Variants in ISM2 observed in about 807,000 individuals in gnomAD.
The protein encoded by ISM2 is isthmin 2.
In ISM2, 50 loss-of-function variants were observed where a neutral mutation model predicts 58.0. That is an observed-to-expected ratio of 0.86 (90% CI 0.69 to 1.09). The LOEUF is 1.09. Ranked by LOEUF, ISM2 falls within the 50% of genes least tolerant of loss-of-function variation. The pLI is 0.00. For synonymous variants in ISM2, 303 were observed against 312.4 expected, an observed-to-expected ratio of 0.97 and a Z score of 0.32; for missense variants, 723 against 745.0, an observed-to-expected ratio of 0.97 and a Z score of 0.34.
At chr14:77,497,811 G>T (rs1045488716) in intron 1 of ISM2, among the ~76,000 whole-genome samples, 1 of 148,692 alleles carries the variant, frequency 6.7e-6, no homozygotes, top group Admixed American at 6.7e-5. Context: ...AGGAAGGAAG[G>T]AAGGAAGGAA....
chr14:77,498,473 G>A (rs2139978603), intron 1 of ISM2, 180 bp downstream of exon 1: 1 of 1,186,854 alleles, frequency 8.4e-7, no homozygotes, highest in Admixed American at 2.2e-5. Context: ...AAGCCCCGAA[G>A]TCCGGCGCAC....
Position 77,475,587 on chromosome 14 carries a change from C to A in ISM2, c.*8G>T, listed in dbSNP as rs750758027. 2.1e-5 allele frequency: 33 copies of A among 1,545,206 alleles called. No homozygotes were observed. The Admixed American group carries it at 6.1e-4, about 28-fold the overall frequency. On this transcript the variant is annotated 3_prime_UTR_variant, in exon 7 of 7. Transcript: ENST00000342219. The surrounding 1 kb of genome is among the most constrained non-coding windows in gnomAD (Gnocchi z 4.1). The stretch of plus-strand genomic sequence containing the variant: ...TCTCCCTGCAGTGTCTGTTCAGCAA[C>A]CCCGTCACTAGTACTCCTTGGCCTC...
At chr14:77,490,161 C>T (rs1055052363) in intron 1 of ISM2, among the ~76,000 whole-genome samples, 2 of 152,132 alleles carry the variant, frequency 1.3e-5, no homozygotes, top group African/African-American at 2.4e-5. Flanking sequence ...CCACGCCCGG[C>T]TAATTTTTTG....
intron 4 of ISM2, among the ~76,000 whole-genome samples, chr14:77,482,100 G>A (rs536396646): frequency 1.3e-5 from 2 of 150,514 alleles, no homozygotes; most frequent in South Asian, 2.1e-4. Flanking sequence ...GTAACAGAGC[G>A]AGACCCAATC....
Position 77,482,682 on chromosome 14 carries a change from C to A in ISM2, c.628-15G>T, listed in dbSNP as rs560839117. On this transcript the variant is annotated splice_polypyrimidine_tract_variant and intron_variant, in intron 3 of 6. Transcript: ENST00000342219. ...TTGATGGTCACCTGCAGGAGACAGG[C>A]CAGGCCGGCCAGTGAAGGAGGTCTT... The A allele has an allele frequency of 1.4e-6, 2 of 1,478,216 alleles. No individual in the cohort carries two copies. Among genetic ancestry groups the A allele is most frequent in the Admixed American group, 2.2e-5 (1 of 46,206 alleles). The allele number at this position is 1,478,216 out of a possible 1,614,324, so 91.6% of individuals were successfully genotyped here. A position where few individuals can be genotyped will look rare whatever the true frequency, so the allele number is the denominator to read the frequency against.
At chr14:77,485,355 G>A (rs1264449790) in intron 1 of ISM2, among the ~76,000 whole-genome samples, 1 of 152,236 alleles carries the variant, frequency 6.6e-6, no homozygotes, top group Non-Finnish European at 1.5e-5. Flanking sequence ...ATCAGGGAGT[G>A]GGCAGCAGGC....
chr14:77,489,376 C>T (rs2079187183), intron 1 of ISM2, among the ~76,000 whole-genome samples: 1 of 152,182 alleles, frequency 6.6e-6, no homozygotes, highest in Non-Finnish European at 1.5e-5. Context: ...CAGCAATTGC[C>T]TCTTTAGCCA....
rs76233487 is a variant in ISM2 at position 77,494,124 on chromosome 14, G to C, written c.141+4529C>G. ...AGATGAGCAGACTAGAACATGACAT[G>C]CAAAGATGTACCATAAGGTCCCAGA... On this transcript the variant is annotated intron_variant, in intron 1 of 6. Transcript: ENST00000342219. Among the ~76,000 whole-genome samples the C allele has an allele frequency of 1.1e-4, 17 of 152,232 alleles. No homozygotes were observed. The East Asian group carries it at 3.3e-3, about 29-fold the overall frequency.
chr14:77,496,041 C>T (rs1468096641), intron 1 of ISM2, among the ~76,000 whole-genome samples: 1 of 151,898 alleles, frequency 6.6e-6, no homozygotes, highest in Admixed American at 6.6e-5. Context: ...GACGAAACCC[C>T]ATCTCTACTA....
At chr14:77,486,693 G>A (rs1419156967) in intron 1 of ISM2, among the ~76,000 whole-genome samples, 1 of 152,206 alleles carries the variant, frequency 6.6e-6, no homozygotes, top group Non-Finnish European at 1.5e-5. Context: ...GGGCTGTGCA[G>A]CCTTTTGGCT....
At chr14:77,498,136 G>T in intron 1 of ISM2, 1 of 613,316 alleles carries the variant, frequency 1.6e-6, no homozygotes, top group Non-Finnish European at 2.4e-6. Context: ...CACAGGCCAC[G>T]AGGACAGAGC....
intron 1 of ISM2, among the ~76,000 whole-genome samples, chr14:77,491,152 G>A (rs755269949): frequency 2.6e-5 from 4 of 152,222 alleles, no homozygotes; most frequent in East Asian, 1.9e-4. Flanking sequence ...ACAATGGACC[G>A]GGACTGAAGT....
rs2079110207 is a variant in ISM2, at chr14:77,478,284, A to G, written c.1156T>C (p.Trp386Arg). The change falls in exon 6 of 7, where the codon TGG becomes CGG. Residue 386 changes from tryptophan to arginine, a missense_variant. Trp to Arg is a moderately radical substitution (Grantham distance 101). Transcript: ENST00000342219. ...KDTLGLPSEEWKLLARNATDM... is the reference protein window; with the variant it reads ...KDTLGLPSEERKLLARNATDM... The stretch of plus-strand genomic sequence containing the variant: ...GTAGCATTGCGGGCCAGGAGCTTCC[A>G]CTCCTCACTGGGGAGGCCCAAGGTG... 1.9e-6 allele frequency: 3 copies of G among 1,613,578 alleles called. No homozygotes were observed. In the African/African-American group the frequency reaches 4.0e-5, roughly 22 times the overall value.
At chr14:77,483,284 G>C (rs975092436) in intron 3 of ISM2, among the ~76,000 whole-genome samples, 3 of 152,204 alleles carry the variant, frequency 2.0e-5, no homozygotes, top group Non-Finnish European at 4.4e-5. Flanking sequence ...TTCTGGCTGG[G>C]CTCAGTGGCT....
intron 1 of ISM2, among the ~76,000 whole-genome samples, chr14:77,497,404 G>A (rs908067559): frequency 6.7e-6 from 1 of 149,840 alleles, no homozygotes; most frequent in Non-Finnish European, 1.5e-5. Context: ...AAGAAGAATG[G>A]CTGGGCACCA....
rs745893541 is a variant in ISM2 at position 77,475,999 on chromosome 14, T to A, written c.1312A>T (p.Met438Leu). Residue 438 changes from methionine to leucine, a missense_variant, in exon 7 of 7, where the codon ATG becomes TTG. Transcript: ENST00000342219. The surrounding 1 kb of genome is among the most constrained non-coding windows in gnomAD (Gnocchi z 4.1). The stretch of plus-strand genomic sequence containing the variant: ...TCCTGTAGGCTCACAGGGCTGTCCA[T>A]GGCCTCCAGTGGGTAGGCACACGGG... ...SCPCAYPLEA[M>L]DSPVSLQDEH... The A allele has an allele frequency of 1.9e-6, 3 of 1,587,718 alleles. No individual in the cohort carries two copies. Among genetic ancestry groups the A allele is most frequent in the Non-Finnish European group, 2.6e-6 (3 of 1,171,212 alleles).
Position 77,476,107 on chromosome 14 carries a change from C to T in ISM2, c.1204G>A (p.Asp402Asn), listed in dbSNP as rs1223454911. ...NATDMHDQDV[D>N]SCEKWLNCKS... is the part of the protein sequence containing the mutation. ...CAGTTCAGCCACTTCTCACAGCTGT[C>T]CACATCTGCAAAGGGCCACAAAGTG... is the stretch of plus-strand genomic sequence containing the variant. Residue 402 changes from aspartate (D) to asparagine (N), a missense_variant, in exon 7 of 7, where the codon GAC becomes AAC. By Grantham distance (23) the Asp-to-Asn change is conservative. Transcript: ENST00000342219. 1.3e-6 allele frequency: 2 copies of T among 1,517,080 alleles called. No individual in the cohort carries two copies. The highest frequency in any genetic ancestry group is 1.8e-6 in the Non-Finnish European group (2 of 1,137,038). 94.0% of individuals were successfully genotyped at this position (1,517,080 alleles called of 1,614,324 possible). A position where few individuals can be genotyped will look rare whatever the true frequency, so the allele number is the denominator to read the frequency against.
At chr14:77,486,668 A>G (rs944255278) in intron 1 of ISM2, among the ~76,000 whole-genome samples, 9 of 152,122 alleles carry the variant, frequency 5.9e-5, no homozygotes, top group Non-Finnish European at 2.9e-5. Flanking sequence ...GCAGTCTCGG[A>G]GCAGCAGGTG....
In ISM2 at chr14:77,478,237, C is replaced by T. The variant is rs2139954603; in HGVS notation, c.1198+5G>A. 1.2e-6 allele frequency: 2 copies of T among 1,613,692 alleles called. No individual in the cohort carries two copies. Among genetic ancestry groups the T allele is most frequent in the South Asian group, 1.1e-5 (1 of 91,054 alleles). On this transcript the variant is annotated splice_donor_5th_base_variant and intron_variant, in intron 6 of 6. Transcript: ENST00000342219. ...CACCAGGGGCAAGCCTAGCCCCTCA[C>T]TCACCTTGATCATGCATGTCCGTAG...
Sources: gnomAD v4.1 joint callset for allele counts (sites outside exome capture counted in the v4.1 genomes callset) on GRCh38, gnomAD v4.1.1 for gene constraint, Gnocchi (gnomAD v3.1) non-coding constraint, MANE v1.5 for transcripts, NCBI Gene and HGNC (gene_info 2026-07-23, HGNC 2026-07-21) for gene names.